Variants in LIFR observed in about 807,000 individuals in gnomAD.
The protein encoded by LIFR is LIF receptor subunit alpha, also known as leukemia inhibitory factor receptor.
LIFR carries 84 observed loss-of-function variants against 122.2 expected under a neutral mutation model. The ratio of observed to expected loss-of-function variants is 0.69; its 90% CI spans 0.58 to 0.82. The LOEUF (loss-of-function observed/expected upper bound fraction) is 0.82. LIFR is among the 40% of genes least tolerant of loss of function. The pLI, the probability that LIFR is intolerant of heterozygous loss-of-function variation, is 0.00. For synonymous variants in LIFR, 422 were observed against 434.7 expected, an observed-to-expected ratio of 0.97 and a Z score of 0.36; for missense variants, 1,294 against 1,311.6, an observed-to-expected ratio of 0.99 and a Z score of 0.21.
At chr5:38,584,430 C>T (rs1432436128) in intron 1 of LIFR, among the ~76,000 whole-genome samples, 1 of 152,006 alleles carries the variant, frequency 6.6e-6, no homozygotes, top group African/African-American at 2.4e-5. Context: ...ATAGCCAAGA[C>T]ATGGAAACAA....
intron 1 of LIFR, among the ~76,000 whole-genome samples, chr5:38,575,945 A>G (rs866522293): frequency 2.0e-5 from 3 of 152,124 alleles, no homozygotes; most frequent in Non-Finnish European, 4.4e-5. Flanking sequence ...TCTTTCTAGG[A>G]TTTATTCCTG....
intron 15 of LIFR, 94 bp from the exon 16 acceptor site, chr5:38,489,339 C>A: frequency 1.0e-6 from 1 of 999,458 alleles, no homozygotes; most frequent in South Asian, 1.4e-5. Context: ...AAAAATAATT[C>A]AACTTGGAAT....
At chr5:38,588,221 A>G (rs1051435010) in intron 1 of LIFR, among the ~76,000 whole-genome samples, 1 of 152,212 alleles carries the variant, frequency 6.6e-6, no homozygotes, top group Admixed American at 6.5e-5. Context: ...CACTAGCCCA[A>G]GGTCACACAG....
chr5:38,525,656 T>C (rs950083178), intron 4 of LIFR, among the ~76,000 whole-genome samples: 5 of 152,258 alleles, frequency 3.3e-5, no homozygotes, highest in Admixed American at 3.3e-4. Context: ...CAGTGGAGGA[T>C]GCTTTAAAAA....
intron 18 of LIFR, 35 bp from the exon 19 acceptor site, chr5:38,482,702 G>A (rs1744061787): frequency 1.1e-6 from 1 of 885,358 alleles, no homozygotes; most frequent in Non-Finnish European, 1.8e-6. Context: ...AAATTTAATA[G>A]TTTTAAGATT....
intron 5 of LIFR, 66 bp downstream of exon 5, chr5:38,523,353 G>A: frequency 1.5e-6 from 2 of 1,353,938 alleles, no homozygotes; most frequent in Non-Finnish European, 2.1e-6. Flanking sequence ...ACCACCTTAA[G>A]GCTTCTTAAA....
At chr5:38,483,577 G>T (rs181987638) in intron 18 of LIFR, among the ~76,000 whole-genome samples, 1 of 152,032 alleles carries the variant, frequency 6.6e-6, no homozygotes, top group East Asian at 1.9e-4. Context: ...TTACAGGCAC[G>T]TGCCACTATG....
At chr5:38,518,719 G>A (rs1276914745) in intron 5 of LIFR, among the ~76,000 whole-genome samples, 1 of 152,060 alleles carries the variant, frequency 6.6e-6, no homozygotes, top group Non-Finnish European at 1.5e-5. Flanking sequence ...ATTTTTGAGG[G>A]TACTCCTTCT....
intron 4 of LIFR, 147 bp from the exon 5 acceptor site, chr5:38,523,729 C>T: frequency 1.5e-6 from 1 of 673,942 alleles, no homozygotes; most frequent in South Asian, 2.0e-5. Flanking sequence ...CTCTAGAACC[C>T]AGTAATAAGG....
At chr5:38,550,385 C>A in intron 1 of LIFR, 1 of 199,650 alleles carries the variant, frequency 5.0e-6, no homozygotes, top group Non-Finnish European at 9.0e-6. Context: ...TTAATGATAC[C>A]AGATACCAGT....
chr5:38,510,011 G>A (rs868831773), intron 7 of LIFR, among the ~76,000 whole-genome samples: 1 of 152,148 alleles, frequency 6.6e-6, no homozygotes, highest in Non-Finnish European at 1.5e-5. Context: ...AAATATAATA[G>A]TTAAAAGATG....
At chr5:38,560,239 CT>C (rs1249015095), upstream of LIFR, among the ~76,000 whole-genome samples, 1 of 151,280 alleles carries the variant, frequency 6.6e-6, no homozygotes, top group Non-Finnish European at 1.5e-5. Flanking sequence ...ATGAGTGAAA[CT>C]TTTTTTCATT....
At chr5:38,503,558 A>G (rs1323006518) in intron 10 of LIFR, among the ~76,000 whole-genome samples, 2 of 152,200 alleles carry the variant, frequency 1.3e-5, no homozygotes, top group Non-Finnish European at 2.9e-5. Flanking sequence ...GTCAACCTAA[A>G]TATTTAAAAT....
chr5:38,559,100 G>T (rs570806189), upstream of LIFR: 1 of 152,246 alleles, frequency 6.6e-6, no homozygotes, highest in Non-Finnish European at 1.5e-5. Context: ...TGGGATGGAG[G>T]CCTAGAGAAG....
Position 38,477,461 on chromosome 5 carries a change from T to C in LIFR, c.*4134A>G, listed in dbSNP as rs1261056673. 2 of 215,234 alleles carry C rather than the reference T, an allele frequency of 9.3e-6. No individual in the cohort carries two copies. Among genetic ancestry groups the C allele is most frequent in the Non-Finnish European group, 1.9e-5 (2 of 106,806 alleles). 13.3% of individuals were successfully genotyped at this position (215,234 alleles called of 1,614,324 possible). ...AGAAATAGTTTATCAAGAGAATGAG[T>C]TCTGAATCAGTTAACCTCACACACG... On this transcript the variant is annotated 3_prime_UTR_variant, in exon 20 of 20. Transcript: ENST00000453190.
intron 2 of LIFR, among the ~76,000 whole-genome samples, chr5:38,530,001 T>A (rs1372080123): frequency 2.6e-5 from 4 of 152,190 alleles, no homozygotes; most frequent in Non-Finnish European, 5.9e-5. Flanking sequence ...AATATCTACA[T>A]AAACATTCTT....
intron 1 of LIFR, among the ~76,000 whole-genome samples, chr5:38,535,282 A>G (rs1747236546): frequency 6.6e-6 from 1 of 152,064 alleles, no homozygotes; most frequent in South Asian, 2.1e-4. Context: ...CACCCTCCTC[A>G]AGTCAGCAGT....
rs537535574 is a variant in LIFR, at chr5:38,564,680, T to G, written c.-20+30581A>C. Among the ~76,000 whole-genome samples the G allele has an allele frequency of 1.3e-4, 20 of 151,026 alleles. 1 individual carries two copies. The highest frequency in any genetic ancestry group is 4.9e-4 in the African/African-American group (20 of 41,040). Reference sequence around the variant, plus strand: ...TTTTGTCTCCATTGGATTTAGAGAGTGTTATACATATGCATATGTATATAT... The same window carrying G: ...TTTTGTCTCCATTGGATTTAGAGAGGGTTATACATATGCATATGTATATAT... On this transcript the variant is annotated intron_variant, in intron 1 of 19. Coordinates refer to the LIFR transcript ENST00000263409.
At chr5:38,548,858 G>A (rs938022366) in intron 1 of LIFR, among the ~76,000 whole-genome samples, 6 of 152,132 alleles carry the variant, frequency 3.9e-5, no homozygotes, top group East Asian at 1.9e-4. Context: ...AATGCTTTCC[G>A]TAACAGTTTG....
Sources: gnomAD v4.1 joint callset for allele counts (sites outside exome capture counted in the v4.1 genomes callset) on GRCh38, gnomAD v4.1.1 for gene constraint, MANE v1.5 for transcripts, NCBI Gene and HGNC (gene_info 2026-07-23, HGNC 2026-07-21) for gene names.